Variants in TFEB observed in about 807,000 individuals in gnomAD.
TFEB encodes the protein transcription factor EB.
In TFEB, 12 loss-of-function variants were observed where a neutral mutation model predicts 48.0. That is an observed-to-expected ratio of 0.25 (90% confidence interval 0.16 to 0.40). The LOEUF (loss-of-function observed/expected upper bound fraction) is 0.40. TFEB is among the 10% of genes least tolerant of loss of function. TFEB has a pLI of 1.00. For synonymous variants in TFEB, 244 were observed against 261.4 expected (o/e 0.93, Z 0.64); for missense variants, 509 against 640.3 (o/e 0.79, Z 2.21).
At chr6:41,702,998 G>A (rs900458832) in intron 1 of TFEB, among the ~76,000 whole-genome samples, 3 of 152,184 alleles carry the variant, frequency 2.0e-5, no homozygotes, top group Admixed American at 6.5e-5. Flanking sequence ...CGGTGGAATC[G>A]GCCTGCAGGC....
At chr6:41,736,161 G>C, upstream of TFEB, 2 of 1,612,910 alleles carry the variant, frequency 1.2e-6, no homozygotes, top group Non-Finnish European at 1.7e-6. Flanking sequence ...TGAGCTTGCT[G>C]TCATGTTGCT....
intron 1 of TFEB, among the ~76,000 whole-genome samples, chr6:41,725,127 A>G (rs961772066): frequency 6.6e-6 from 1 of 152,312 alleles, no homozygotes; most frequent in South Asian, 2.1e-4. Flanking sequence ...GACTTCCTCG[A>G]GGCCATGCAG....
rs1289665036 is a variant in TFEB, at chr6:41,691,191, C to T, written c.23G>A (p.Arg8His). 1.3e-6 allele frequency: 2 copies of T among 1,588,322 alleles called. No individual in the cohort carries two copies. Among genetic ancestry groups the T allele is most frequent in the Non-Finnish European group, 1.7e-6 (2 of 1,165,100 alleles). ...CGCCTGCTCCCGCATGAGCTGCATG[C>T]GCAACCCTATGCGTGACGCCATGGT... MASRIGL[R>H]MQLMREQAQQ... The change falls in exon 2 of 9, where the codon CGC becomes CAC. Residue 8 changes from arginine to histidine, a missense_variant. By Grantham distance (29) the Arg-to-His change is conservative. Coordinates refer to ENST00000373033, the MANE Select transcript of TFEB (RefSeq NM_001271944.2). The surrounding 1 kb of genome is among the most constrained non-coding windows in gnomAD (Gnocchi z 5.2).
intron 1 of TFEB, among the ~76,000 whole-genome samples, chr6:41,716,491 C>T (rs938260941): frequency 1.3e-5 from 2 of 152,194 alleles, no homozygotes; most frequent in Non-Finnish European, 2.9e-5. Context: ...CACCCACTCA[C>T]AGGAGCTAGA....
intron 1 of TFEB, among the ~76,000 whole-genome samples, chr6:41,721,592 C>T (rs1426360151): frequency 6.6e-6 from 1 of 152,188 alleles, no homozygotes; most frequent in Non-Finnish European, 1.5e-5. Flanking sequence ...ATCTGTGCAG[C>T]CCAACTATCT....
intron 1 of TFEB, among the ~76,000 whole-genome samples, chr6:41,708,490 C>G (rs548220529): frequency 6.6e-6 from 1 of 152,356 alleles, no homozygotes; most frequent in Non-Finnish European, 1.5e-5. Flanking sequence ...CCAAAGACAC[C>G]TATCACTTGA....
At chr6:41,731,648 G>A (rs1771455039) in intron 1 of TFEB, among the ~76,000 whole-genome samples, 1 of 152,250 alleles carries the variant, frequency 6.6e-6, no homozygotes, top group South Asian at 2.1e-4. Context: ...GAGAGGCACA[G>A]TGGGGTCTCT....
Position 41,689,719 on chromosome 6 carries a change from A to C in TFEB, c.549+12T>G, listed in dbSNP as rs1164305512. ...AACCCTTGCACACCCACCCCACCCT[A>C]GCCAGGAGTACCGTGTTGGGCATCT... is the stretch of plus-strand genomic sequence containing the variant. On this transcript the variant is annotated intron_variant, in intron 4 of 8. Coordinates refer to ENST00000373033, the MANE Select transcript of TFEB (RefSeq NM_001271944.2). 2 of 1,612,542 alleles carry C rather than the reference A, an allele frequency of 1.2e-6. No individual in the cohort carries two copies. The highest frequency in any genetic ancestry group is 2.2e-5 in the South Asian group (2 of 91,004).
At chr6:41,732,413 C>T (rs1041065499) in intron 1 of TFEB, among the ~76,000 whole-genome samples, 1 of 152,202 alleles carries the variant, frequency 6.6e-6, no homozygotes, top group Admixed American at 6.5e-5. Context: ...ACTCTAAACA[C>T]ACAATAAATG....
chr6:41,723,720 C>G lies in TFEB; in HGVS notation c.-23+11630G>C, dbSNP rs1291658707. ...CGGCACAGTCCCACACCGCAGCCTA[C>G]CCAACACAGACTGCTTCAATCTCAC... On this transcript the variant is annotated intron_variant, in intron 1 of 8. Transcript: ENST00000373033. The surrounding 1 kb of genome is among the most constrained non-coding windows in gnomAD (Gnocchi z 6.0). The G allele has an allele frequency of 2.6e-6, 1 of 389,690 alleles. No individual in the cohort carries two copies. Among genetic ancestry groups the G allele is most frequent in the Non-Finnish European group, 4.8e-6 (1 of 206,796 alleles). The allele number at this position is 389,690 out of a possible 1,614,324, so 24.1% of individuals were successfully genotyped here.
chr6:41,688,036 G>A lies in TFEB; in HGVS notation c.550-8C>T, dbSNP rs750587422. The A allele has an allele frequency of 1.2e-6, 2 of 1,607,206 alleles. No individual in the cohort carries two copies. Among genetic ancestry groups the A allele is most frequent in the African/African-American group, 1.3e-5 (1 of 74,776 alleles). ...GCTGCTGGACAGGGGTAGCTGTGGG[G>A]TAGGGGGTGAGGGAGACCCATGAGT... On this transcript the variant is annotated splice_polypyrimidine_tract_variant and splice_region_variant and intron_variant, in intron 4 of 8. Transcript: ENST00000373033.
intron 1 of TFEB, chr6:41,733,804 T>C (rs1771551684): frequency 1.0e-6 from 1 of 985,144 alleles, no homozygotes; most frequent in Non-Finnish European, 1.2e-6. Context: ...GAGGACTGTC[T>C]CCCAGTCGTG....
intron 1 of TFEB, among the ~76,000 whole-genome samples, chr6:41,713,426 G>A (rs929184499): frequency 1.3e-5 from 2 of 152,118 alleles, no homozygotes; most frequent in Non-Finnish European, 2.9e-5. Context: ...ACTTCTTCTG[G>A]TGCAGGGACC....
Position 41,684,834 on chromosome 6 carries a change from C to T in TFEB, c.1196G>A (p.Ser399Asn). 1 of 1,585,836 alleles carries T rather than the reference C, an allele frequency of 6.3e-7. No individual in the cohort carries two copies. The highest frequency in any genetic ancestry group is 8.6e-7 in the Non-Finnish European group (1 of 1,164,518). Residue 399 changes from serine to asparagine, a missense_variant, in exon 9 of 9, where the codon AGC becomes AAC. By Grantham distance (46) the Ser-to-Asn change is conservative. Around this residue, in one of 4 missense-constraint regions of TFEB, gnomAD observed 168 missense variants for 161.0 expected, o/e 1.04. Transcript: ENST00000373033. ...GTCCTCCCTGCCCCCAAAGCTCAGG[C>T]TGTGGCTGAAGTCCAGGTGATGGAA... ...SPFHHLDFSHSLSFGGREDEG... is the reference protein window; with the variant it reads ...SPFHHLDFSHNLSFGGREDEG...
chr6:41,729,227 G>T (rs1771352573), intron 1 of TFEB, among the ~76,000 whole-genome samples: 1 of 151,934 alleles, frequency 6.6e-6, no homozygotes, highest in African/African-American at 2.4e-5. Flanking sequence ...CAGCCCCCAG[G>T]CTCTCCCAAC....
rs1357535789 is a variant in TFEB, at chr6:41,689,831, A to T, written c.469-20T>A. The T allele has an allele frequency of 1.2e-6, 2 of 1,608,154 alleles. No homozygotes were observed. Among genetic ancestry groups the T allele is most frequent in the Non-Finnish European group, 1.7e-6 (2 of 1,175,238 alleles). On this transcript the variant is annotated intron_variant, in intron 3 of 8. Transcript: ENST00000373033. ...ATCCAACTGGAAAAGAGAAAAGTCC[A>T]TCTGGGGAGGGCCCACCACGAGGTG...
intron 1 of TFEB, among the ~76,000 whole-genome samples, chr6:41,695,193 G>T (rs1343408778): frequency 6.6e-6 from 1 of 152,160 alleles, no homozygotes; most frequent in Admixed American, 6.5e-5. Flanking sequence ...TGCCTTTTGG[G>T]GCCATTGGGG....
chr6:41,702,930 CT>C (rs930979630), intron 1 of TFEB, among the ~76,000 whole-genome samples: 2 of 152,252 alleles, frequency 1.3e-5, no homozygotes, highest in African/African-American at 4.8e-5. Flanking sequence ...CATAGGCTCC[CT>C]GCCGCCTGCC....
chr6:41,694,759 G>A (rs1769489549), intron 1 of TFEB, among the ~76,000 whole-genome samples: 1 of 152,104 alleles, frequency 6.6e-6, no homozygotes, highest in Non-Finnish European at 1.5e-5. Context: ...ACCATGCCTG[G>A]AAAGGGTCCA....
Sources: gnomAD v4.1 joint callset for allele counts (sites outside exome capture counted in the v4.1 genomes callset) on GRCh38, gnomAD v4.1.1 for gene constraint, gnomAD v4.1.1 regional missense constraint, Gnocchi (gnomAD v3.1) non-coding constraint, MANE v1.5 for transcripts, NCBI Gene and HGNC (gene_info 2026-07-23, HGNC 2026-07-21) for gene names.